Variants in ASPRV1 observed in about 807,000 individuals in gnomAD.
The protein encoded by ASPRV1 is retroviral-like aspartic protease 1.
ASPRV1 carries 7 observed loss-of-function variants against 11.0 expected under a neutral mutation model. That is an observed-to-expected ratio of 0.64 (90% CI 0.36 to 1.20). ASPRV1 has a LOEUF of 1.20. Among genes scored for constraint, ASPRV1 ranks in the 50% most tolerant of loss-of-function variants. The pLI, the probability that ASPRV1 is intolerant of heterozygous loss-of-function variation, is 0.02. For synonymous variants in ASPRV1, 136 were observed against 138.4 expected, an observed-to-expected ratio of 0.98 and a Z score of 0.12; for missense variants, 299 against 320.0, an observed-to-expected ratio of 0.93 and a Z score of 0.50.
chr2:70,068,946 CAAAAA>C, the ASPRV1 span, among the ~76,000 whole-genome samples: 1,440 of 59,124 alleles, frequency 0.024, 30 homozygotes, highest in African/African-American at 0.078. Context: ...ACTCTTGTCT[CAAAAA>C]AAAAAAAAAA....
chr2:69,998,317 T>A, the ASPRV1 span, among the ~76,000 whole-genome samples: 2 of 151,702 alleles, frequency 1.3e-5, no homozygotes, highest in African/African-American at 2.4e-5. Flanking sequence ...TGTTTGTCAT[T>A]CCCCAATAAG....
chr2:70,031,016 G>A, the ASPRV1 span: 1 of 152,300 alleles, frequency 6.6e-6, no homozygotes, highest in East Asian at 1.9e-4. Flanking sequence ...CTTATGAGGG[G>A]AAGGTACAGG....
the ASPRV1 span, among the ~76,000 whole-genome samples, chr2:70,027,824 T>C: frequency 6.6e-6 from 1 of 152,202 alleles, no homozygotes; most frequent in African/African-American, 2.4e-5. Flanking sequence ...TCAAAATAAC[T>C]AGAAGATTTA....
chr2:70,014,089 A>T, the ASPRV1 span, among the ~76,000 whole-genome samples: 1 of 152,218 alleles, frequency 6.6e-6, no homozygotes, highest in Non-Finnish European at 1.5e-5. Flanking sequence ...GTAGAAGAGC[A>T]TATCATTGGA....
chr2:70,080,090 T>C, the ASPRV1 span, among the ~76,000 whole-genome samples: 1 of 152,152 alleles, frequency 6.6e-6, no homozygotes, highest in East Asian at 1.9e-4. Context: ...TTGAACTCCT[T>C]TCTCTCCCCT....
At chr2:70,038,543 G>A in the ASPRV1 span, among the ~76,000 whole-genome samples, 1 of 152,092 alleles carries the variant, frequency 6.6e-6, no homozygotes, top group Admixed American at 6.6e-5. Context: ...CCACATCATA[G>A]CACTTCACTC....
chr2:69,957,995 C>T (rs542743572), downstream of ASPRV1, among the ~76,000 whole-genome samples: 272 of 152,314 alleles, frequency 1.8e-3, 1 homozygote, highest in African/African-American at 5.3e-3. Context: ...TCTTCCTGCT[C>T]TCCCATGGTT....
the ASPRV1 span, among the ~76,000 whole-genome samples, chr2:70,025,931 G>A: frequency 6.6e-6 from 1 of 152,324 alleles, no homozygotes; most frequent in Admixed American, 6.5e-5. Flanking sequence ...TCAGCCTCTG[G>A]TAAGAATATG....
the ASPRV1 span, among the ~76,000 whole-genome samples, chr2:70,071,367 C>T: frequency 6.6e-6 from 1 of 152,220 alleles, no homozygotes; most frequent in African/African-American, 2.4e-5. Flanking sequence ...ATGTCTTACA[C>T]ATAGGAAGAC....
the ASPRV1 span, among the ~76,000 whole-genome samples, chr2:70,068,946 C>CAAAA: frequency 3.1e-4 from 18 of 59,010 alleles, no homozygotes; most frequent in South Asian, 6.2e-4. Context: ...ACTCTTGTCT[C>CAAAA]AAAAAAAAAA....
chr2:70,079,420 C>G, the ASPRV1 span, among the ~76,000 whole-genome samples: 12 of 152,172 alleles, frequency 7.9e-5, no homozygotes, highest in East Asian at 2.1e-3. Context: ...CTACAGTCAA[C>G]TATTATCATG....
chr2:69,937,458 G>A, the ASPRV1 span: 1 of 1,273,196 alleles, frequency 7.9e-7, no homozygotes, highest in Non-Finnish European at 1.1e-6. Flanking sequence ...CAGGGGTTCA[G>A]TACTGCGGAC....
At chr2:70,018,402 T>C in the ASPRV1 span, among the ~76,000 whole-genome samples, 7 of 152,000 alleles carry the variant, frequency 4.6e-5, no homozygotes, top group African/African-American at 1.7e-4. Flanking sequence ...AATAAAATTC[T>C]TCACAAAAAT....
At chr2:69,962,007 A>G, upstream of ASPRV1, 1 of 305,164 alleles carries the variant, frequency 3.3e-6, no homozygotes, top group Non-Finnish European at 6.5e-6. Flanking sequence ...CCTCCCCAAC[A>G]AGTGACTACT....
upstream of ASPRV1, chr2:69,964,129 G>T (rs1029461947): frequency 7.6e-6 from 2 of 262,588 alleles, no homozygotes; most frequent in African/African-American, 4.5e-5. Context: ...TCTAGGGCAG[G>T]CAAAGCACTG....
chr2:69,947,758 G>T, the ASPRV1 span, among the ~76,000 whole-genome samples: 321 of 152,234 alleles, frequency 2.1e-3, no homozygotes, highest in African/African-American at 7.1e-3. Context: ...GGGGTTTTTG[G>T]TTTTTTTGTT....
the ASPRV1 span, among the ~76,000 whole-genome samples, chr2:69,984,989 T>C: frequency 3.9e-5 from 6 of 152,056 alleles, no homozygotes; most frequent in African/African-American, 9.7e-5. Flanking sequence ...CCCGAGTAGC[T>C]GGGACTACAG....
the ASPRV1 span, among the ~76,000 whole-genome samples, chr2:69,974,832 T>C: frequency 1.3e-5 from 2 of 152,304 alleles, no homozygotes; most frequent in African/African-American, 4.8e-5. Flanking sequence ...AATGACAATG[T>C]TGGGTGGGTG....
the ASPRV1 span, among the ~76,000 whole-genome samples, chr2:70,014,796 CAA>C: frequency 5.5e-4 from 41 of 74,022 alleles, no homozygotes; most frequent in African/African-American, 9.2e-4. Flanking sequence ...GACCTTGTCT[CAA>C]AAAAAAAAAA....
Sources: allele counts gnomAD v4.1 joint callset (sites outside exome capture counted in the v4.1 genomes callset), GRCh38; gene constraint gnomAD v4.1.1; transcripts MANE v1.5; gene names NCBI Gene and HGNC (gene_info 2026-07-23, HGNC 2026-07-21).